TENM1: variants seen among roughly 807,000 people sequenced by gnomAD.
TENM1 encodes the protein teneurin-1.
In TENM1, 35 loss-of-function variants were observed where a neutral mutation model predicts 174.8. That is an observed-to-expected ratio of 0.20 (90% confidence interval 0.15 to 0.27). TENM1 has a LOEUF of 0.27. Among genes scored for constraint, TENM1 ranks in the 10% least tolerant of loss-of-function variants. The pLI, the probability that TENM1 is intolerant of heterozygous loss-of-function variation, is 1.00. For missense variants in TENM1, 1,633 were observed against 2,130.1 expected (o/e 0.77, Z 4.59); for synonymous variants, 781 against 798.7 (o/e 0.98, Z 0.37).
chrX:124,561,662 A>G lies in TENM1; in HGVS notation c.2434+9T>C. 8.3e-7 allele frequency: 1 copy of G among 1,210,458 alleles called. No homozygotes were observed. The highest frequency in any genetic ancestry group is 1.1e-6 in the Non-Finnish European group (1 of 894,868). On this transcript the variant is annotated intron_variant, in intron 14 of 31. Transcript: ENST00000422452. ...CCTTTCTTACGTGAACATTTTATAA[A>G]TGACTCACCTCCATCATTGTCCAAG...
intron 3 of TENM1, among the ~76,000 whole-genome samples, chrX:124,881,797 T>G (rs1426999466): frequency 9.1e-6 from 1 of 110,159 alleles, no homozygotes; most frequent in Non-Finnish European, 1.9e-5. Context: ...GGCTCAATCT[T>G]GGCTCATTGC....
At chrX:124,449,887 A>G (rs1393676344) in intron 23 of TENM1, among the ~76,000 whole-genome samples, 1 of 111,559 alleles carries the variant, frequency 9.0e-6, no homozygotes, top group Non-Finnish European at 1.9e-5. Flanking sequence ...AGTGTTTTAT[A>G]GAGTTGTATG....
At chrX:124,495,598 T>C (rs1258918178) in intron 20 of TENM1, among the ~76,000 whole-genome samples, 1 of 110,467 alleles carries the variant, frequency 9.1e-6, no homozygotes, top group Non-Finnish European at 1.9e-5. Flanking sequence ...CATGCCTATG[T>C]CCTGAATGGT....
At chrX:124,647,015 C>T (rs1008002672) in intron 8 of TENM1, among the ~76,000 whole-genome samples, 1 of 110,861 alleles carries the variant, frequency 9.0e-6, no homozygotes, top group African/African-American at 3.3e-5. Flanking sequence ...CCTGGGTTTG[C>T]TGACTTGGCC....
At chrX:124,779,355 C>T (rs903133821) in intron 3 of TENM1, among the ~76,000 whole-genome samples, 1 of 111,895 alleles carries the variant, frequency 8.9e-6, no homozygotes, top group Admixed American at 9.5e-5. Context: ...GTCCCGATTG[C>T]AGTGCTTTTT....
intron 19 of TENM1, among the ~76,000 whole-genome samples, chrX:124,501,144 T>C (rs1238469422): frequency 1.8e-5 from 2 of 111,900 alleles, no homozygotes; most frequent in Non-Finnish European, 3.8e-5. Context: ...ACCAAACAAA[T>C]AGCTTAGTTC....
At chrX:124,708,082 C>T (rs1196582505) in intron 4 of TENM1, among the ~76,000 whole-genome samples, 2 of 112,374 alleles carry the variant, frequency 1.8e-5, no homozygotes, top group Admixed American at 1.9e-4. Context: ...AATAACAAAA[C>T]ACATTCGAGT....
intron 3 of TENM1, among the ~76,000 whole-genome samples, chrX:124,823,896 A>G (rs2056096614): frequency 9.0e-6 from 1 of 111,667 alleles, no homozygotes; most frequent in Admixed American, 9.5e-5. Flanking sequence ...ATGTTTTTCA[A>G]GAAATTATGA....
At chrX:125,081,757 A>G in the TENM1 span, among the ~76,000 whole-genome samples, 1 of 111,604 alleles carries the variant, frequency 9.0e-6, no homozygotes, top group African/African-American at 3.2e-5. Flanking sequence ...GTCCATCAAC[A>G]GACGATTTGA....
At chrX:124,509,549 A>G (rs943866067) in intron 18 of TENM1, among the ~76,000 whole-genome samples, 5 of 110,822 alleles carry the variant, frequency 4.5e-5, no homozygotes, top group Non-Finnish European at 9.4e-5. Context: ...TTGTAATGGA[A>G]AGTGAGGTGC....
At chrX:125,073,429 T>C in the TENM1 span, among the ~76,000 whole-genome samples, 7 of 111,853 alleles carry the variant, frequency 6.3e-5, no homozygotes, top group Non-Finnish European at 1.3e-4. Context: ...CTTGATCTTT[T>C]ATGTTTATAT....
At chrX:125,079,739 A>T in the TENM1 span, among the ~76,000 whole-genome samples, 1 of 111,528 alleles carries the variant, frequency 9.0e-6, no homozygotes, top group African/African-American at 3.2e-5. Context: ...AACATCATAA[A>T]GAGGAAAATG....
At chrX:124,477,866 T>A (rs2046766374) in intron 22 of TENM1, among the ~76,000 whole-genome samples, 2 of 111,797 alleles carry the variant, frequency 1.8e-5, no homozygotes, top group Non-Finnish European at 3.8e-5. Context: ...ATTTCTTTTT[T>A]AAAAAATAAC....
At chrX:125,037,837 C>T in the TENM1 span, among the ~76,000 whole-genome samples, 1 of 111,683 alleles carries the variant, frequency 9.0e-6, no homozygotes, top group Admixed American at 9.5e-5. Flanking sequence ...GCTCTCAGTA[C>T]CGTGCACCAC....
the TENM1 span, among the ~76,000 whole-genome samples, chrX:125,024,530 T>C: frequency 1.4e-4 from 15 of 111,082 alleles, no homozygotes; most frequent in Non-Finnish European, 3.8e-5. Flanking sequence ...TTCTCACTTA[T>C]AAGTGGGAAC....
intron 23 of TENM1, among the ~76,000 whole-genome samples, chrX:124,424,540 T>C (rs1342875933): frequency 2.7e-5 from 3 of 111,537 alleles, no homozygotes; most frequent in Non-Finnish European, 5.6e-5. Context: ...GGTCAACCTT[T>C]TTAGCTTCCA....
intron 3 of TENM1, among the ~76,000 whole-genome samples, chrX:124,748,939 T>C (rs1308961925): frequency 3.6e-5 from 4 of 111,519 alleles, no homozygotes; most frequent in Non-Finnish European, 7.5e-5. Flanking sequence ...CTAAATAATA[T>C]TATTAAATGA....
intron 22 of TENM1, among the ~76,000 whole-genome samples, chrX:124,481,167 G>A (rs188734236): frequency 1.8e-5 from 2 of 112,366 alleles, no homozygotes; most frequent in Admixed American, 1.9e-4. Flanking sequence ...GAAAATATAA[G>A]TAATTTCCAG....
the TENM1 span, among the ~76,000 whole-genome samples, chrX:125,004,594 A>G: frequency 8.9e-6 from 1 of 112,289 alleles, no homozygotes; most frequent in African/African-American, 3.2e-5. Context: ...TTGAATTTTT[A>G]AAACTTTTTA....
Sources: allele counts gnomAD v4.1 joint callset (sites outside exome capture counted in the v4.1 genomes callset), GRCh38; gene constraint gnomAD v4.1.1; transcripts MANE v1.5; gene names NCBI Gene and HGNC (gene_info 2026-07-23, HGNC 2026-07-21).